The following AIDA variants were observed in gnomAD, a reference collection of about 807,000 sequenced individuals.
The protein encoded by AIDA is axin interactor, dorsalization associated, also known as axin interactor, dorsalization-associated protein.
A neutral mutation model predicts 42.7 loss-of-function variants in AIDA; 18 were observed. The observed-to-expected ratio is 0.42, with a 90% CI of 0.29 to 0.63. AIDA has a LOEUF of 0.63. Ranked by LOEUF, AIDA falls within the 20% of genes least tolerant of loss-of-function variation. The pLI is 0.19. For synonymous variants in AIDA, 104 were observed against 122.9 expected (o/e 0.85, Z 1.02); for missense variants, 250 against 354.1 (o/e 0.71, Z 2.36).
intron 1 of AIDA, among the ~76,000 whole-genome samples, chr1:222,703,851 C>G (rs1655774839): frequency 6.6e-6 from 1 of 152,064 alleles, no homozygotes; most frequent in Non-Finnish European, 1.5e-5. Flanking sequence ...AGTCCAAGCT[C>G]AACAATAAGG....
chr1:222,684,554 A>G (rs1664708331), intron 6 of AIDA, among the ~76,000 whole-genome samples: 1 of 152,244 alleles, frequency 6.6e-6, no homozygotes, highest in South Asian at 2.1e-4. Context: ...CAATGAATAT[A>G]ATTTTACAAG....
At chr1:222,689,928 T>C (rs1571933192) in intron 4 of AIDA, among the ~76,000 whole-genome samples, 1 of 152,208 alleles carries the variant, frequency 6.6e-6, no homozygotes, top group African/African-American at 2.4e-5. Context: ...TATAAAGGCA[T>C]ACCATTTTAT....
At chr1:222,672,398 A>G (rs1469849815) in intron 8 of AIDA, among the ~76,000 whole-genome samples, 2 of 152,304 alleles carry the variant, frequency 1.3e-5, no homozygotes, top group East Asian at 3.9e-4. Context: ...GTTATTTATT[A>G]AGCACCTCCT....
At chr1:222,699,854 C>T (rs1655638046) in intron 2 of AIDA, among the ~76,000 whole-genome samples, 1 of 151,846 alleles carries the variant, frequency 6.6e-6, no homozygotes, top group South Asian at 2.1e-4. Context: ...TCACTGCAAG[C>T]TCCGCCTCCC....
rs1434692846 is a variant in AIDA, at chr1:222,668,074, T to G, written c.*1819A>C. ...TTGTAGTTCATATAAACTATACTTA[T>G]GTGAAGGATAGCAGATGCTTCATAT... On this transcript the variant is annotated 3_prime_UTR_variant, in exon 10 of 10. Coordinates refer to ENST00000340020, the MANE Select transcript of AIDA (RefSeq NM_022831.4). The G allele has an allele frequency of 6.6e-6, 1 of 152,240 alleles. No homozygotes were observed. The highest frequency in any genetic ancestry group is 1.5e-5 in the Non-Finnish European group (1 of 68,042). The allele number at this position is 152,240 out of a possible 1,614,324, so 9.4% of individuals were successfully genotyped here.
chr1:222,687,494 T>C lies in AIDA; in HGVS notation c.353+101A>G, dbSNP rs891412810. ...ATACTGTTATCATTGTTGATGTCAA[T>C]GATATCAATAATACCAAAGTTGATA... is the stretch of plus-strand genomic sequence containing the variant. On this transcript the variant is annotated intron_variant, in intron 5 of 9. Transcript: ENST00000340020. 3.0e-6 allele frequency: 3 copies of C among 1,000,768 alleles called. No individual in the cohort carries two copies. The African/African-American group carries it at 5.1e-5, about 17-fold the overall frequency. The allele number at this position is 1,000,768 out of a possible 1,614,324, so 62.0% of individuals were successfully genotyped here. A position where few individuals can be genotyped will look rare whatever the true frequency, so the allele number is the denominator to read the frequency against.
At chr1:222,694,056 T>A (rs1247218308) in intron 3 of AIDA, among the ~76,000 whole-genome samples, 154 bp downstream of exon 3, 1 of 152,182 alleles carries the variant, frequency 6.6e-6, no homozygotes, top group Non-Finnish European at 1.5e-5. Flanking sequence ...TTTTACAATT[T>A]ACGAAATATG....
chr1:222,687,095 C>T, intron 5 of AIDA, 59 bp from the exon 6 acceptor site: 1 of 1,573,090 alleles, frequency 6.4e-7, no homozygotes, highest in Non-Finnish European at 8.6e-7. Flanking sequence ...ACTAGTGAAG[C>T]CTCACAGACA....
At chr1:222,684,391 C>T (rs1285324902) in intron 6 of AIDA, among the ~76,000 whole-genome samples, 1 of 152,160 alleles carries the variant, frequency 6.6e-6, no homozygotes, top group Non-Finnish European at 1.5e-5. Flanking sequence ...GAATTACAGG[C>T]ATGAGCCACT....
At chr1:222,688,661 A>G (rs1301110111) in intron 4 of AIDA, among the ~76,000 whole-genome samples, 2 of 151,404 alleles carry the variant, frequency 1.3e-5, no homozygotes, top group Non-Finnish European at 2.9e-5. Context: ...GTGCAATGGC[A>G]TGATCTCAGC....
At chr1:222,696,395 T>G (rs1655523433) in intron 2 of AIDA, among the ~76,000 whole-genome samples, 1 of 152,252 alleles carries the variant, frequency 6.6e-6, no homozygotes, top group African/African-American at 2.4e-5. Flanking sequence ...GAGCACTTAC[T>G]AAGTGACAGG....
At chr1:222,673,473 A>G in intron 7 of AIDA, 38 bp from the exon 8 acceptor site, 3 of 1,517,980 alleles carry the variant, frequency 2.0e-6, no homozygotes, top group Non-Finnish European at 2.7e-6. Flanking sequence ...GAACATTCAA[A>G]TATACAGACT....
intron 1 of AIDA, among the ~76,000 whole-genome samples, chr1:222,709,999 C>T (rs1031563291): frequency 6.6e-6 from 1 of 152,138 alleles, no homozygotes; most frequent in Non-Finnish European, 1.5e-5. Context: ...TTGCTGCCTA[C>T]CCAATTAGAA....
chr1:222,687,201 G>A (rs943710871), intron 5 of AIDA, 165 bp from the exon 6 acceptor site: 43 of 629,652 alleles, frequency 6.8e-5, no homozygotes, highest in East Asian at 1.4e-4. Context: ...AGGCCGAGGC[G>A]GGCAGACTGC....
chr1:222,712,423 C>T lies in AIDA; in HGVS notation c.-106G>A. On this transcript the variant is annotated 5_prime_UTR_variant, in exon 1 of 10. Transcript: ENST00000340020. ...CCGACATTAACAGGGCCAGGAGGAA[C>T]CGCTACGGCCACCACCGCCACCCGC... 1 of 1,442,288 alleles carries T rather than the reference C, an allele frequency of 6.9e-7. No individual in the cohort carries two copies. The highest frequency in any genetic ancestry group is 1.5e-5 in the South Asian group (1 of 67,650). 89.3% of individuals were successfully genotyped at this position (1,442,288 alleles called of 1,614,324 possible).
At chr1:222,700,676 AC>A (rs1655666558) in intron 2 of AIDA, among the ~76,000 whole-genome samples, 1 of 150,994 alleles carries the variant, frequency 6.6e-6, no homozygotes, top group African/African-American at 2.4e-5. Context: ...AATGGCGTGA[AC>A]CCGGGAGGCG....
chr1:222,694,080 T>A lies in AIDA; in HGVS notation c.234+130A>T, dbSNP rs887870524. The A allele has an allele frequency of 7.8e-6, 7 of 899,004 alleles. No homozygotes were observed. The East Asian group carries it at 1.8e-4, about 23-fold the overall frequency. 55.7% of individuals were successfully genotyped at this position (899,004 alleles called of 1,614,324 possible). ...TTACGAAATATGAACTAAAAAAGTA[T>A]GAATTTAATAGATGTTGTTATAAAA... On this transcript the variant is annotated intron_variant, in intron 3 of 9. Transcript: ENST00000340020.
chr1:222,687,713 T>C, intron 4 of AIDA, 55 bp from the exon 5 acceptor site: 1 of 1,254,970 alleles, frequency 8.0e-7, no homozygotes, highest in Non-Finnish European at 1.1e-6. Flanking sequence ...AATCAAAAAT[T>C]ATATCTTAAA....
chr1:222,703,105 T>TTTTGTTTG, intron 2 of AIDA, 43 bp downstream of exon 2: 1 of 1,499,862 alleles, frequency 6.7e-7, no homozygotes, highest in Non-Finnish European at 9.0e-7. Context: ...ACAAAACACT[T>TTTTGTTTG]TTTGTTTGGA....
Sources: allele counts gnomAD v4.1 joint callset (sites outside exome capture counted in the v4.1 genomes callset), GRCh38; gene constraint gnomAD v4.1.1; transcripts MANE v1.5; gene names NCBI Gene and HGNC (gene_info 2026-07-23, HGNC 2026-07-21).